Variants in SLC22A9 observed in about 807,000 individuals in gnomAD.
SLC22A9 encodes the protein organic anion transporter 7.
A neutral mutation model predicts 50.1 loss-of-function variants in SLC22A9; 64 were observed. The ratio of observed to expected loss-of-function variants is 1.28; its 90% confidence interval spans 1.04 to 1.57. The LOEUF is 1.57. Ranked by LOEUF, SLC22A9 falls within the 40% of genes most tolerant of loss-of-function variation. The pLI is 0.00. For synonymous variants in SLC22A9, 261 were observed against 242.5 expected (o/e 1.08, Z -0.71); for missense variants, 757 against 676.1 (o/e 1.12, Z -1.33).
Position 63,408,835 on chromosome 11 carries a change from C to T in SLC22A9, c.1557C>T (p.Thr519=). ...TTGCTTTCCTCCTCCTTCCTGAAAC[C>T]AGGAACAAGCCTCTGTTTGACACCA... The part of the protein sequence containing the change: ...SGFAFLLLPE[T]RNKPLFDTIQ... Residue 519 remains threonine (T), a synonymous_variant, in exon 9 of 10, where the codon ACC becomes ACT. Transcript: ENST00000279178. 4 of 1,613,914 alleles carry T rather than the reference C, an allele frequency of 2.5e-6. No individual in the cohort carries two copies. The highest frequency in any genetic ancestry group is 2.2e-5 in the East Asian group (1 of 44,872).
Position 63,370,398 on chromosome 11 carries a change from G to T in SLC22A9, c.342G>T (p.Glu114Asp). 1 of 1,612,752 alleles carries T rather than the reference G, an allele frequency of 6.2e-7. No individual in the cohort carries two copies. Among genetic ancestry groups the T allele is most frequent in the Non-Finnish European group, 8.5e-7 (1 of 1,179,220 alleles). Residue 114 changes from glutamate (E) to aspartate (D), a missense_variant, in exon 1 of 10, where the codon GAG becomes GAT. Physicochemically the swap from Glu to Asp is conservative, Grantham distance 45. Coordinates refer to ENST00000279178, the MANE Select transcript of SLC22A9 (RefSeq NM_080866.3). ...CCAACACAAGTGACGCAGACATGGAGCCCTGTGTGGATGGCTGGGTGTATG... is the reference window on the plus strand; with the variant it reads ...CCAACACAAGTGACGCAGACATGGATCCCTGTGTGGATGGCTGGGTGTATG... ...TFPNTSDADM[E>D]PCVDGWVYDR...
chr11:63,388,684 T>C (rs1484637085), intron 6 of SLC22A9, among the ~76,000 whole-genome samples: 2 of 151,928 alleles, frequency 1.3e-5, no homozygotes, highest in Non-Finnish European at 2.9e-5. Flanking sequence ...AATTTTAGCC[T>C]CATAGAATGA....
chr11:63,389,577 A>G (rs1276208062), intron 6 of SLC22A9, among the ~76,000 whole-genome samples: 2 of 152,168 alleles, frequency 1.3e-5, no homozygotes, highest in Middle Eastern at 3.2e-3. Flanking sequence ...TATCCAGTCT[A>G]TCACTGATGG....
At chr11:63,407,878 T>C (rs1022266190) in intron 7 of SLC22A9, among the ~76,000 whole-genome samples, 7 of 152,220 alleles carry the variant, frequency 4.6e-5, no homozygotes, top group Non-Finnish European at 1.0e-4. Context: ...TGATATATAG[T>C]GAGAAGTGAA....
Position 63,409,790 on chromosome 11 carries a change from T to C in SLC22A9, c.1602-12T>C. On this transcript the variant is annotated splice_polypyrimidine_tract_variant and intron_variant, in intron 9 of 9. Transcript: ENST00000279178. ...TTGTGATTTTTTGTTGGTTTCTTTG[T>C]ATTTGTTCTAGGAGAAAAGACCCCA... is the stretch of plus-strand genomic sequence containing the variant. 6.2e-7 allele frequency: 1 copy of C among 1,613,206 alleles called. No individual in the cohort carries two copies. The highest frequency in any genetic ancestry group is 8.5e-7 in the Non-Finnish European group (1 of 1,179,560).
intron 6 of SLC22A9, among the ~76,000 whole-genome samples, chr11:63,389,652 G>A (rs961325775): frequency 6.6e-6 from 1 of 152,198 alleles, no homozygotes; most frequent in Non-Finnish European, 1.5e-5. Context: ...ACGTGTGCAT[G>A]TGTCTTTATA....
intron 6 of SLC22A9, among the ~76,000 whole-genome samples, chr11:63,395,946 C>T (rs1565187762): frequency 6.6e-6 from 1 of 152,068 alleles, no homozygotes. Context: ...AGTATTATGG[C>T]TGCCTCTGCT....
intron 8 of SLC22A9, among the ~76,000 whole-genome samples, chr11:63,408,437 C>G (rs1313028459): frequency 2.6e-5 from 4 of 152,158 alleles, no homozygotes; most frequent in African/African-American, 7.2e-5. Flanking sequence ...ACCTTCTGAG[C>G]CACCTGAGAG....
At position 63,373,763 on chromosome 11, in the gene SLC22A9, C is replaced by T; in HGVS notation, c.626C>T (p.Ala209Val). Reference protein sequence around the residue: ...YCSLRFLSGIAAMSLITNTIM... With the variant: ...YCSLRFLSGIVAMSLITNTIM... ...TCACTACGCTTCTTGTCTGGGATTG[C>T]TGCAATGAGCCTCATAACAAATACT... Residue 209 changes from alanine to valine, a missense_variant, in exon 3 of 10, where the codon GCT (alanine) becomes GTT (valine). By Grantham distance (64) the Ala-to-Val change is moderately conservative. Transcript: ENST00000279178. The T allele has an allele frequency of 1.2e-6, 2 of 1,612,856 alleles. No individual in the cohort carries two copies. The highest frequency in any genetic ancestry group is 1.7e-6 in the Non-Finnish European group (2 of 1,179,368).
chr11:63,372,026 A>T (rs1389154986), intron 2 of SLC22A9, among the ~76,000 whole-genome samples: 1 of 152,162 alleles, frequency 6.6e-6, no homozygotes, highest in African/African-American at 2.4e-5. Flanking sequence ...GAATGAGCTA[A>T]GAGTCAGAGG....
intron 6 of SLC22A9, among the ~76,000 whole-genome samples, chr11:63,403,952 A>G (rs957670040): frequency 2.0e-5 from 3 of 152,160 alleles, no homozygotes; most frequent in Admixed American, 1.3e-4. Flanking sequence ...TATGGAGGTT[A>G]GAACTACCAT....
At chr11:63,389,247 A>G (rs1047939695) in intron 6 of SLC22A9, among the ~76,000 whole-genome samples, 8 of 151,870 alleles carry the variant, frequency 5.3e-5, no homozygotes, top group African/African-American at 1.9e-4. Context: ...CATGTGCCAC[A>G]GTGGTTTGCT....
chr11:63,369,957 C>T lies in SLC22A9; in HGVS notation c.-100C>T. 2 of 1,220,126 alleles carry T rather than the reference C, an allele frequency of 1.6e-6. No individual in the cohort carries two copies. Among genetic ancestry groups the T allele is most frequent in the East Asian group, 2.4e-5 (1 of 41,942 alleles). 75.6% of individuals were successfully genotyped at this position (1,220,126 alleles called of 1,614,324 possible). A position where few individuals can be genotyped will look rare whatever the true frequency, so the allele number is the denominator to read the frequency against. ...GAAGAGAGTGGGGTCAGGATCAAAACACATTTAGTGTGACTTAGGGAAAGA... is the reference window on the plus strand; with the variant it reads ...GAAGAGAGTGGGGTCAGGATCAAAATACATTTAGTGTGACTTAGGGAAAGA... On this transcript the variant is annotated 5_prime_UTR_variant, in exon 1 of 10. Transcript: ENST00000279178.
In SLC22A9 at chr11:63,370,241, A is replaced by G. The variant is rs746168096; in HGVS notation, c.185A>G (p.Asn62Ser). The stretch of plus-strand genomic sequence containing the variant: ...CTGGACAATGACACTGTCTCTGACA[A>G]TGACACTGGGGCCCTCAGCCAAGAT... The part of the protein sequence containing the change: ...HILDNDTVSD[N>S]DTGALSQDAL... The change falls in exon 1 of 10, where the codon AAT (asparagine) becomes AGT (serine). Residue 62 changes from asparagine to serine, a missense_variant. Asn to Ser is a conservative substitution (Grantham distance 46). Coordinates refer to ENST00000279178, the MANE Select transcript of SLC22A9 (RefSeq NM_080866.3). 77 of 1,613,914 alleles carry G rather than the reference A, an allele frequency of 4.8e-5. No individual in the cohort carries two copies. The highest frequency in any genetic ancestry group is 6.1e-5 in the Non-Finnish European group (72 of 1,179,930).
intron 5 of SLC22A9, among the ~76,000 whole-genome samples, chr11:63,377,092 T>C (rs1781446316): frequency 6.6e-6 from 1 of 152,040 alleles, no homozygotes. Context: ...AATCATACAA[T>C]GATAGTTGGA....
chr11:63,387,210 C>G lies in SLC22A9; in HGVS notation c.1073+4933C>G, dbSNP rs2014685065. Among the ~76,000 whole-genome samples, 4 of 152,064 alleles carry G rather than the reference C, an allele frequency of 2.6e-5. No individual in the cohort carries two copies. The South Asian group carries it at 6.2e-4, about 24-fold the overall frequency. Reference sequence around the variant, plus strand: ...CGTCTGGGGTATTACTAAAGAAATCCTTGCCCAGTCCAATATCCTGGAGAA... The same window carrying G: ...CGTCTGGGGTATTACTAAAGAAATCGTTGCCCAGTCCAATATCCTGGAGAA... On this transcript the variant is annotated intron_variant, in intron 6 of 9. Coordinates refer to ENST00000279178, the MANE Select transcript of SLC22A9 (RefSeq NM_080866.3).
intron 5 of SLC22A9, among the ~76,000 whole-genome samples, chr11:63,379,848 C>T (rs560361689): frequency 6.6e-6 from 1 of 152,302 alleles, no homozygotes; most frequent in East Asian, 1.9e-4. Context: ...TCTCCTGCCT[C>T]AGCCTTCTGA....
At chr11:63,406,779 C>T (rs1591029722) in intron 7 of SLC22A9, 68 bp downstream of exon 7, 1 of 1,500,150 alleles carries the variant, frequency 6.7e-7, no homozygotes, top group Non-Finnish European at 9.0e-7. Flanking sequence ...GTACTTGTCA[C>T]ACCTATCTGA....
intron 2 of SLC22A9, among the ~76,000 whole-genome samples, chr11:63,371,768 C>T (rs907551263): frequency 2.0e-5 from 3 of 152,146 alleles, no homozygotes; most frequent in Non-Finnish European, 4.4e-5. Context: ...GCAAAAACAG[C>T]TTTTTAGAAC....
Sources: gnomAD v4.1 joint callset for allele counts (sites outside exome capture counted in the v4.1 genomes callset) on GRCh38, gnomAD v4.1.1 for gene constraint, MANE v1.5 for transcripts, NCBI Gene and HGNC (gene_info 2026-07-23, HGNC 2026-07-21) for gene names.